CLCN5: variants seen among roughly 807,000 people sequenced by gnomAD.
CLCN5 encodes H(+)/Cl(-) exchange transporter 5.
CLCN5 carries 17 observed loss-of-function variants against 54.0 expected under a neutral mutation model. That is an observed-to-expected ratio of 0.31 (90% CI 0.22 to 0.47). CLCN5 has a LOEUF of 0.47. Among genes scored for constraint, CLCN5 ranks in the 20% least tolerant of loss-of-function variants. The pLI, the probability that CLCN5 is intolerant of heterozygous loss-of-function variation, is 1.00. For synonymous variants in CLCN5, 222 were observed against 233.0 expected (o/e 0.95, Z 0.43); for missense variants, 448 against 646.7 (o/e 0.69, Z 3.33).
At chrX:50,043,568 C>G (rs1932293966) in intron 4 of CLCN5, among the ~76,000 whole-genome samples, 2 of 111,276 alleles carry the variant, frequency 1.8e-5, no homozygotes, top group Non-Finnish European at 3.8e-5. Context: ...CAAACCGTTT[C>G]AGTTTCTTTC....
At chrX:49,933,583 G>A (rs1431148790) in intron 3 of CLCN5, among the ~76,000 whole-genome samples, 2 of 111,984 alleles carry the variant, frequency 1.8e-5, no homozygotes, top group Non-Finnish European at 3.8e-5. Context: ...CCCTGGATTT[G>A]TATCCTGGCT....
intron 3 of CLCN5, among the ~76,000 whole-genome samples, chrX:49,958,282 A>C (rs1557174124): frequency 1.8e-5 from 2 of 110,666 alleles, no homozygotes; most frequent in Admixed American, 1.9e-4. Context: ...GATTCATCCC[A>C]GTTGTTGCAT....
intron 3 of CLCN5, among the ~76,000 whole-genome samples, chrX:49,947,999 C>G (rs1557172465): frequency 9.0e-6 from 1 of 110,952 alleles, no homozygotes; most frequent in Admixed American, 9.6e-5. Flanking sequence ...CAGAGTTGTA[C>G]TCCTCTAGTT....
In CLCN5 at chrX:49,976,033, G is replaced by A. The variant is rs1172126484; in HGVS notation, c.16+50719G>A. Among the ~76,000 whole-genome samples, 4 of 111,791 alleles carry A rather than the reference G, an allele frequency of 3.6e-5. No homozygotes were observed. The East Asian group carries it at 8.4e-4, about 24-fold the overall frequency. On this transcript the variant is annotated intron_variant, in intron 3 of 14. Coordinates refer to ENST00000376091, the MANE Select transcript of CLCN5 (RefSeq NM_001127898.4). ...AGGATGACACTAACCATCCTACAGT[G>A]CACAGGACAGCCCCCCACAACAAAG...
chrX:50,003,522 C>A, intron 3 of CLCN5: 1 of 382,969 alleles, frequency 2.6e-6, no homozygotes, highest in East Asian at 7.6e-5. Flanking sequence ...TCTCACATCC[C>A]TTGCATGGTG....
At chrX:50,086,963 T>C in intron 11 of CLCN5, 93 bp downstream of exon 11, 1 of 845,861 alleles carries the variant, frequency 1.2e-6, no homozygotes, top group Non-Finnish European at 1.7e-6. Flanking sequence ...ATAGCTCATA[T>C]GGTGCTTTCA....
intron 3 of CLCN5, among the ~76,000 whole-genome samples, chrX:49,973,289 A>G (rs1190876704): frequency 9.8e-5 from 11 of 111,940 alleles, no homozygotes; most frequent in African/African-American, 3.6e-4. Context: ...GAAGAAAATA[A>G]TTAGTATTTT....
At chrX:50,085,741 A>G in intron 9 of CLCN5, 2 of 421,861 alleles carry the variant, frequency 4.7e-6, no homozygotes, top group South Asian at 3.3e-5. Flanking sequence ...ATAATTTAGA[A>G]TAAAACACAT....
intron 3 of CLCN5, among the ~76,000 whole-genome samples, chrX:49,936,082 G>A (rs1925948935): frequency 9.0e-6 from 1 of 111,489 alleles, no homozygotes; most frequent in Non-Finnish European, 1.9e-5. Context: ...GATTAAATGA[G>A]ATAAAGTATG....
chrX:49,978,824 A>G (rs1264722484), intron 3 of CLCN5, among the ~76,000 whole-genome samples: 2 of 111,799 alleles, frequency 1.8e-5, no homozygotes, highest in African/African-American at 6.5e-5. Flanking sequence ...AGACTCTCCC[A>G]AGAGGGTGGA....
intron 3 of CLCN5, among the ~76,000 whole-genome samples, chrX:50,033,095 C>G (rs1278615575): frequency 9.0e-6 from 1 of 111,087 alleles, no homozygotes; most frequent in Non-Finnish European, 1.9e-5. Flanking sequence ...TGTTTTGGTA[C>G]CAGTACCATG....
intron 3 of CLCN5, among the ~76,000 whole-genome samples, chrX:50,033,840 A>C (rs1299356973): frequency 8.9e-6 from 1 of 111,803 alleles, no homozygotes; most frequent in African/African-American, 3.3e-5. Flanking sequence ...GGTCCTCAGT[A>C]ATTTTGATGA....
At chrX:50,046,779 G>C (rs1932409101) in intron 4 of CLCN5, among the ~76,000 whole-genome samples, 2 of 111,447 alleles carry the variant, frequency 1.8e-5, no homozygotes, top group Admixed American at 1.9e-4. Flanking sequence ...ACCAGTGAGT[G>C]AAACTTGTTT....
intron 12 of CLCN5, 61 bp from the exon 13 acceptor site, chrX:50,090,055 C>T (rs1046187912): frequency 8.7e-7 from 1 of 1,143,687 alleles, no homozygotes; most frequent in Non-Finnish European, 1.2e-6. Flanking sequence ...CTGGAAAGGC[C>T]CATAATTGTA....
chrX:49,998,951 T>TA (rs1188706919), intron 3 of CLCN5, among the ~76,000 whole-genome samples: 1 of 111,218 alleles, frequency 9.0e-6, no homozygotes, highest in Non-Finnish European at 1.9e-5. Context: ...ATTCCACTCT[T>TA]ATATACACAA....
chrX:49,960,511 A>G (rs926605072), intron 3 of CLCN5, among the ~76,000 whole-genome samples: 1 of 108,618 alleles, frequency 9.2e-6, no homozygotes, highest in Non-Finnish European at 1.9e-5. Context: ...TCCCCTCAGC[A>G]GGTAATCTAG....
chrX:50,060,357 G>A (rs1829902925), intron 4 of CLCN5, among the ~76,000 whole-genome samples: 1 of 110,396 alleles, frequency 9.1e-6, no homozygotes, highest in African/African-American at 3.3e-5. Flanking sequence ...AGCGCAAGGG[G>A]TCAGGGAGTT....
At chrX:50,003,124 C>T (rs1339509684) in intron 3 of CLCN5, 1 of 376,951 alleles carries the variant, frequency 2.7e-6, no homozygotes, top group African/African-American at 2.6e-5. Flanking sequence ...CGCATGCACA[C>T]AGTATACAGG....
chrX:50,046,277 C>A (rs1036866506), intron 4 of CLCN5, among the ~76,000 whole-genome samples: 1 of 112,309 alleles, frequency 8.9e-6, no homozygotes, highest in Non-Finnish European at 1.9e-5. Flanking sequence ...TTCATTCATT[C>A]ATTCACTTAC....
Sources: allele counts gnomAD v4.1 joint callset (sites outside exome capture counted in the v4.1 genomes callset), GRCh38; gene constraint gnomAD v4.1.1; transcripts MANE v1.5; gene names NCBI Gene and HGNC (gene_info 2026-07-23, HGNC 2026-07-21).